PALLD: variants seen among roughly 807,000 people sequenced by gnomAD.
PALLD encodes palladin.
A neutral mutation model predicts 123.5 loss-of-function variants in PALLD; 61 were observed. The ratio of observed to expected loss-of-function variants is 0.49; its 90% confidence interval spans 0.40 to 0.61. PALLD has a LOEUF of 0.61. Ranked by LOEUF, PALLD falls within the 20% of genes least tolerant of loss-of-function variation. PALLD has a pLI of 0.00. For missense variants in PALLD, 1,273 were observed against 1,377.0 expected, an observed-to-expected ratio of 0.92 and a Z score of 1.20; for synonymous variants, 465 against 496.4, an observed-to-expected ratio of 0.94 and a Z score of 0.84.
intron 10 of PALLD, among the ~76,000 whole-genome samples, chr4:168,805,130 C>G (rs370901433): frequency 6.7e-6 from 1 of 148,562 alleles, no homozygotes; most frequent in Non-Finnish European, 1.5e-5. Context: ...TACATCTCAG[C>G]CTGGGTGGCA....
intron 10 of PALLD, among the ~76,000 whole-genome samples, chr4:168,715,235 T>C (rs1201782301): frequency 6.6e-6 from 1 of 152,144 alleles, no homozygotes; most frequent in East Asian, 1.9e-4. Flanking sequence ...CGCATCCACT[T>C]CAGCTCCTAC....
intron 10 of PALLD, among the ~76,000 whole-genome samples, chr4:168,837,328 C>G (rs1745342741): frequency 1.3e-5 from 2 of 152,138 alleles, no homozygotes; most frequent in Admixed American, 1.3e-4. Flanking sequence ...ACTTAGTAAC[C>G]TAGACCTAGA....
chr4:168,592,018 A>ATTTTT (rs10672786), intron 2 of PALLD, among the ~76,000 whole-genome samples: 11,045 of 138,718 alleles, frequency 0.08, 501 homozygotes, highest in Admixed American at 0.11. Context: ...ACTATTATGG[A>ATTTTT]TTTTTTTTTT....
At chr4:168,687,265 A>G (rs1291721029) in intron 6 of PALLD, among the ~76,000 whole-genome samples, 1 of 152,234 alleles carries the variant, frequency 6.6e-6, no homozygotes, top group Non-Finnish European at 1.5e-5. Context: ...GCAACAAATG[A>G]TAACAGGTGG....
chr4:168,844,706 A>G lies in PALLD; in HGVS notation c.1965-46216A>G, dbSNP rs924418278. On this transcript the variant is annotated intron_variant, in intron 10 of 21. Coordinates refer to ENST00000505667, the MANE Select transcript of PALLD (RefSeq NM_001166108.2). This position sits in a 1 kb window ranked among gnomAD's most constrained non-coding sequence, Gnocchi z 4.5. The stretch of plus-strand genomic sequence containing the variant: ...GTATCTTCCCTGCCAACTTCCTAAT[A>G]AAGGGTGAACTCCAAATATTAAAAA... The G allele has an allele frequency of 1.3e-5, 2 of 152,224 alleles. No individual in the cohort carries two copies. The highest frequency in any genetic ancestry group is 2.4e-5 in the African/African-American group (1 of 41,460). The allele number at this position is 152,224 out of a possible 1,614,324, so 9.4% of individuals were successfully genotyped here. A position where few individuals can be genotyped will look rare whatever the true frequency, so the allele number is the denominator to read the frequency against.
chr4:168,819,275 G>C (rs529982046), intron 10 of PALLD, among the ~76,000 whole-genome samples: 29 of 152,162 alleles, frequency 1.9e-4, no homozygotes, highest in African/African-American at 6.7e-4. Context: ...TAATTCTTTT[G>C]TGAGAAAAAC....
At chr4:168,557,311 T>A (rs989492973) in intron 2 of PALLD, among the ~76,000 whole-genome samples, 2 of 152,210 alleles carry the variant, frequency 1.3e-5, no homozygotes, top group African/African-American at 4.8e-5. Flanking sequence ...CCCAAAGTGC[T>A]GGGATTACAG....
chr4:168,727,575 T>C (rs889474424), intron 10 of PALLD, among the ~76,000 whole-genome samples: 2 of 152,176 alleles, frequency 1.3e-5, no homozygotes, highest in African/African-American at 4.8e-5. Context: ...TTTTTATCTG[T>C]TGATTTAAGT....
At chr4:168,667,508 G>A (rs532297911) in intron 2 of PALLD, among the ~76,000 whole-genome samples, 2 of 152,150 alleles carry the variant, frequency 1.3e-5, no homozygotes, top group Non-Finnish European at 2.9e-5. Flanking sequence ...GAGAGAGTGA[G>A]AGAACCTGTG....
intron 6 of PALLD, among the ~76,000 whole-genome samples, chr4:168,689,171 A>G (rs979937590): frequency 6.6e-6 from 1 of 152,222 alleles, no homozygotes; most frequent in Admixed American, 6.5e-5. Flanking sequence ...TTAGACTTTT[A>G]TAGTTCTTCT....
intron 10 of PALLD, among the ~76,000 whole-genome samples, chr4:168,863,607 G>A (rs553920188): frequency 1.9e-4 from 29 of 151,540 alleles, no homozygotes; most frequent in African/African-American, 6.1e-4. Context: ...TTTGAAAGAC[G>A]ATAGCATGAT....
At chr4:168,525,486 C>A (rs1290234424) in intron 2 of PALLD, among the ~76,000 whole-genome samples, 1 of 152,150 alleles carries the variant, frequency 6.6e-6, no homozygotes, top group Non-Finnish European at 1.5e-5. Flanking sequence ...GAATGGCGTG[C>A]CTCAGTTTGG....
chr4:168,883,554 A>G (rs1752920458), intron 10 of PALLD, among the ~76,000 whole-genome samples: 1 of 152,204 alleles, frequency 6.6e-6, no homozygotes, highest in African/African-American at 2.4e-5. Context: ...TGCTCACAGA[A>G]TTGACCTGCA....
intron 2 of PALLD, among the ~76,000 whole-genome samples, chr4:168,665,458 G>T (rs1779545881): frequency 6.6e-6 from 1 of 152,190 alleles, no homozygotes; most frequent in Admixed American, 6.5e-5. Flanking sequence ...GGTTGCTTGG[G>T]AGGTTGAGGC....
intron 2 of PALLD, among the ~76,000 whole-genome samples, chr4:168,582,996 G>A (rs1173167102): frequency 6.6e-6 from 1 of 152,108 alleles, no homozygotes; most frequent in East Asian, 1.9e-4. Context: ...TATTAGAGTT[G>A]ATAATAAAAG....
intron 2 of PALLD, among the ~76,000 whole-genome samples, chr4:168,580,786 T>C (rs1300908017): frequency 8.6e-5 from 13 of 152,038 alleles, no homozygotes; most frequent in Non-Finnish European, 1.9e-4. Context: ...TGGAATACTA[T>C]GCAGCCAAAA....
In PALLD at chr4:168,927,470, T is replaced by C. The variant is rs992975264; in HGVS notation, c.*1290T>C. 6.0e-5 allele frequency: 14 copies of C among 232,648 alleles called. No homozygotes were observed. Among genetic ancestry groups the C allele is most frequent in the East Asian group, 1.8e-4 (3 of 16,558 alleles). The allele number at this position is 232,648 out of a possible 1,614,324, so 14.4% of individuals were successfully genotyped here. A position where few individuals can be genotyped will look rare whatever the true frequency, so the allele number is the denominator to read the frequency against. On this transcript the variant is annotated 3_prime_UTR_variant, in exon 22 of 22. Coordinates refer to ENST00000505667, the MANE Select transcript of PALLD (RefSeq NM_001166108.2). ...GTAGTAGTGGAAGATTTTAGGTATG[T>C]AGAGCAAGTTGAAAATGGATTGAGA...
At chr4:168,753,676 G>T (rs1731373236) in intron 10 of PALLD, among the ~76,000 whole-genome samples, 1 of 152,154 alleles carries the variant, frequency 6.6e-6, no homozygotes, top group African/African-American at 2.4e-5. Flanking sequence ...TTGATAGGAT[G>T]CTCACTCATC....
At chr4:168,705,903 A>G (rs1784181242) in intron 8 of PALLD, among the ~76,000 whole-genome samples, 1 of 152,210 alleles carries the variant, frequency 6.6e-6, no homozygotes, top group Non-Finnish European at 1.5e-5. Context: ...TCGGCCTCCC[A>G]AAGTGCTGGG....
Sources: allele counts gnomAD v4.1 joint callset (sites outside exome capture counted in the v4.1 genomes callset), GRCh38; gene constraint gnomAD v4.1.1; non-coding constraint Gnocchi (gnomAD v3.1); transcripts MANE v1.5; gene names NCBI Gene and HGNC (gene_info 2026-07-23, HGNC 2026-07-21).